Variants in RIMS2 observed in about 807,000 individuals in gnomAD.
RIMS2 encodes regulating synaptic membrane exocytosis 2.
RIMS2 carries 59 observed loss-of-function variants against 174.4 expected under a neutral mutation model. The ratio of observed to expected loss-of-function variants is 0.34; its 90% CI spans 0.27 to 0.42. RIMS2 has a LOEUF of 0.42. Among genes scored for constraint, RIMS2 ranks in the 10% least tolerant of loss-of-function variants. RIMS2 has a pLI of 1.00. For synonymous variants in RIMS2, 606 were observed against 572.5 expected, an observed-to-expected ratio of 1.06 and a Z score of -0.84; for missense variants, 1,620 against 1,666.3, an observed-to-expected ratio of 0.97 and a Z score of 0.48.
At chr8:103,534,344 T>A (rs1168872807) in intron 1 of RIMS2, among the ~76,000 whole-genome samples, 1 of 152,204 alleles carries the variant, frequency 6.6e-6, no homozygotes, top group African/African-American at 2.4e-5. Context: ...ATCAACCTAA[T>A]TTTTCAGACT....
intron 17 of RIMS2, among the ~76,000 whole-genome samples, chr8:104,006,804 A>T (rs1565811071): frequency 6.6e-6 from 1 of 151,588 alleles, no homozygotes; most frequent in Non-Finnish European, 1.5e-5. Context: ...GATAATATAT[A>T]TATATATTTG....
At chr8:104,219,652 G>A (rs1224991738) in intron 19 of RIMS2, among the ~76,000 whole-genome samples, 5 of 151,902 alleles carry the variant, frequency 3.3e-5, no homozygotes, top group African/African-American at 7.3e-5. Flanking sequence ...ATTCAAGGCC[G>A]TGTTTTGCTT....
intron 19 of RIMS2, among the ~76,000 whole-genome samples, chr8:104,039,135 T>C (rs1457494266): frequency 6.6e-6 from 1 of 151,860 alleles, no homozygotes; most frequent in Non-Finnish European, 1.5e-5. Flanking sequence ...AGTTGTAGAA[T>C]GTGCCACTTT....
chr8:104,120,963 A>C lies in RIMS2; in HGVS notation c.3334+106348A>C, dbSNP rs187098872. Among the ~76,000 whole-genome samples, 5 of 152,248 alleles carry C rather than the reference A, an allele frequency of 3.3e-5. No homozygotes were observed. In the East Asian group the frequency reaches 9.6e-4, roughly 29 times the overall value. On this transcript the variant is annotated intron_variant, in intron 19 of 23. Coordinates refer to ENST00000504942, the Ensembl canonical transcript of RIMS2. The stretch of plus-strand genomic sequence containing the variant: ...TATTTTACAAGAAAGTGAGCTAATT[A>C]ACCTCCTTCTTTCTTTCCTTCCTTC...
intron 19 of RIMS2, among the ~76,000 whole-genome samples, chr8:104,040,366 A>G (rs908580923): frequency 6.6e-6 from 1 of 151,688 alleles, no homozygotes; most frequent in Admixed American, 6.6e-5. Context: ...TGTCAATCAT[A>G]CTAGTACACT....
chr8:103,572,566 GT>G (rs200409402), intron 1 of RIMS2, among the ~76,000 whole-genome samples: 8 of 146,282 alleles, frequency 5.5e-5, no homozygotes, highest in Non-Finnish European at 1.5e-5. Flanking sequence ...AAATCTGTTT[GT>G]TTTTTTTTTC....
At chr8:104,224,756 G>T (rs1195572588) in intron 19 of RIMS2, among the ~76,000 whole-genome samples, 1 of 152,144 alleles carries the variant, frequency 6.6e-6, no homozygotes, top group Non-Finnish European at 1.5e-5. Context: ...TCTAAAAACA[G>T]ATTGAAATAT....
At chr8:103,634,670 T>C (rs2096029105) in intron 1 of RIMS2, among the ~76,000 whole-genome samples, 1 of 152,240 alleles carries the variant, frequency 6.6e-6, no homozygotes, top group Admixed American at 6.5e-5. Context: ...TGTAATTCTC[T>C]AGGAACTTGC....
intron 1 of RIMS2, among the ~76,000 whole-genome samples, chr8:103,579,796 C>T (rs1025945600): frequency 1.3e-5 from 2 of 152,164 alleles, no homozygotes; most frequent in Non-Finnish European, 2.9e-5. Flanking sequence ...TAATGACTCA[C>T]AGTTCTGCAG....
At chr8:104,019,229 T>A (rs1481826905) in intron 19 of RIMS2, among the ~76,000 whole-genome samples, 2 of 152,142 alleles carry the variant, frequency 1.3e-5, no homozygotes, top group African/African-American at 4.8e-5. Flanking sequence ...AATCAGTAAA[T>A]CAGTATATTT....
At chr8:104,096,811 T>C (rs1371478319) in intron 19 of RIMS2, among the ~76,000 whole-genome samples, 1 of 150,004 alleles carries the variant, frequency 6.7e-6, no homozygotes, top group Non-Finnish European at 1.5e-5. Flanking sequence ...GAGGTTGCAG[T>C]GAGCCGAGAT....
At chr8:103,632,555 G>A (rs2095957375) in intron 1 of RIMS2, among the ~76,000 whole-genome samples, 1 of 151,718 alleles carries the variant, frequency 6.6e-6, no homozygotes, top group Admixed American at 6.6e-5. Flanking sequence ...TGAGTAGCTG[G>A]GCTTACAGGC....
intron 1 of RIMS2, among the ~76,000 whole-genome samples, chr8:103,623,697 G>T (rs1260153200): frequency 3.3e-5 from 5 of 151,602 alleles, no homozygotes; most frequent in African/African-American, 1.2e-4. Flanking sequence ...CACCGTGTTA[G>T]CCAGGATGGT....
At chr8:104,078,629 G>T (rs1410771287) in intron 19 of RIMS2, among the ~76,000 whole-genome samples, 3 of 152,128 alleles carry the variant, frequency 2.0e-5, no homozygotes, top group Admixed American at 1.3e-4. Flanking sequence ...GAATTTGGGA[G>T]GAACACAATT....
intron 19 of RIMS2, among the ~76,000 whole-genome samples, chr8:104,079,600 T>TAG (rs2097368253): frequency 1.1e-4 from 4 of 36,010 alleles, no homozygotes; most frequent in Admixed American, 9.0e-4. Flanking sequence ...TTAAGCATGA[T>TAG]ATATATATAT....
chr8:104,179,637 TGTA>T (rs2135868205), intron 19 of RIMS2, among the ~76,000 whole-genome samples: 1 of 151,996 alleles, frequency 6.6e-6, no homozygotes. Context: ...GCTAGGAAAA[TGTA>T]GTAAAATAAC....
intron 1 of RIMS2, among the ~76,000 whole-genome samples, chr8:103,600,699 G>C (rs1332417234): frequency 6.6e-6 from 1 of 152,132 alleles, no homozygotes; most frequent in African/African-American, 2.4e-5. Context: ...TCCTTGTTTT[G>C]GCTGTGTAAC....
chr8:104,005,811 G>T lies in RIMS2; in HGVS notation c.3045-7631G>T, dbSNP rs184358989. ...ATGAAGTTTGAAGAGAGGCAATGAT[G>T]GTCCTTTGTCAAGATGGGTAACATA... On this transcript the variant is annotated intron_variant, in intron 17 of 23. Coordinates refer to ENST00000504942, the Ensembl canonical transcript of RIMS2. Among the ~76,000 whole-genome samples the T allele has an allele frequency of 6.4e-3, 968 of 152,070 alleles. 3 individuals carry two copies. The highest frequency in any genetic ancestry group is 9.2e-3 in the Non-Finnish European group (625 of 67,980).
chr8:103,672,864 A>G (rs2096762467), intron 1 of RIMS2, among the ~76,000 whole-genome samples: 1 of 152,186 alleles, frequency 6.6e-6, no homozygotes. Flanking sequence ...TTTAAAGTCC[A>G]AAGTCCGAAG....
Sources: allele counts gnomAD v4.1 joint callset (sites outside exome capture counted in the v4.1 genomes callset), GRCh38; gene constraint gnomAD v4.1.1; transcripts MANE v1.5; gene names NCBI Gene and HGNC (gene_info 2026-07-23, HGNC 2026-07-21).